SLC25A40: variants seen among roughly 807,000 people sequenced by gnomAD.
The protein encoded by SLC25A40 is mitochondrial glutathione transporter SLC25A40.
A neutral mutation model predicts 46.5 loss-of-function variants in SLC25A40; 41 were observed. The observed-to-expected ratio is 0.88, with a 90% CI of 0.69 to 1.14. The LOEUF (loss-of-function observed/expected upper bound fraction) is 1.14, where lower values mean the gene tolerates loss of function less well. Among genes scored for constraint, SLC25A40 ranks in the 50% most tolerant of loss-of-function variants. SLC25A40 has a pLI of 0.00. For synonymous variants in SLC25A40, 126 were observed against 127.5 expected (o/e 0.99, Z 0.08); for missense variants, 386 against 393.6 (o/e 0.98, Z 0.16).
intron 5 of SLC25A40, among the ~76,000 whole-genome samples, chr7:87,852,158 T>G (rs1018524756): frequency 1.3e-5 from 2 of 152,170 alleles, no homozygotes; most frequent in Non-Finnish European, 2.9e-5. Flanking sequence ...CAAATTAACA[T>G]ACAAGTTGAA....
At chr7:87,869,053 C>T (rs1838851447) in intron 1 of SLC25A40, among the ~76,000 whole-genome samples, 1 of 152,168 alleles carries the variant, frequency 6.6e-6, no homozygotes, top group Middle Eastern at 3.2e-3. Context: ...ATATATTTCA[C>T]AATATCAGAC....
At chr7:87,872,832 G>A (rs978443284) in intron 1 of SLC25A40, among the ~76,000 whole-genome samples, 1 of 152,160 alleles carries the variant, frequency 6.6e-6, no homozygotes, top group Admixed American at 6.5e-5. Context: ...CATGGTGGCA[G>A]GCGCCTGTAA....
At position 87,864,112 on chromosome 7, in the gene SLC25A40, G is replaced by A. The variant is rs150658585; in HGVS notation, c.-93-3472C>T. On this transcript the variant is annotated intron_variant, in intron 1 of 11. Transcript: ENST00000341119. ...GTTTAACTCCAGTGTTTCCTTGTTG[G>A]TTTGTTATTATGTCTGAATGATCTG... is the stretch of plus-strand genomic sequence containing the variant. Among the ~76,000 whole-genome samples the A allele has an allele frequency of 3.9e-3, 590 of 152,256 alleles. 2 individuals carry two copies. The highest frequency in any genetic ancestry group is 0.014 in the African/African-American group (563 of 41,550).
intron 8 of SLC25A40, among the ~76,000 whole-genome samples, chr7:87,846,341 G>A (rs1192976553): frequency 6.6e-6 from 1 of 152,116 alleles, no homozygotes; most frequent in East Asian, 1.9e-4. Context: ...CTCTAGATAA[G>A]TATTTCTTTT....
intron 1 of SLC25A40, among the ~76,000 whole-genome samples, chr7:87,875,852 G>C (rs111815979): frequency 1.3e-5 from 2 of 152,164 alleles, no homozygotes; most frequent in South Asian, 4.1e-4. Flanking sequence ...GACGCCCCCC[G>C]GGGCCGCCCT....
At chr7:87,850,483 A>C (rs1838490838) in intron 5 of SLC25A40, among the ~76,000 whole-genome samples, 2 of 152,228 alleles carry the variant, frequency 1.3e-5, no homozygotes, top group Admixed American at 6.5e-5. Context: ...AAGCACACGA[A>C]AAACTGTTTG....
chr7:87,861,650 T>C (rs1337237857), intron 1 of SLC25A40, among the ~76,000 whole-genome samples: 1 of 152,154 alleles, frequency 6.6e-6, no homozygotes, highest in Non-Finnish European at 1.5e-5. Context: ...TTTGTAACAT[T>C]CATTTAAATG....
At chr7:87,836,503 C>T (rs1838259834) in intron 11 of SLC25A40, 142 bp from the exon 12 acceptor site, 3 of 586,768 alleles carry the variant, frequency 5.1e-6, no homozygotes, top group Non-Finnish European at 8.3e-6. Flanking sequence ...GAAAAGACTG[C>T]TCACTTCCAA....
chr7:87,871,680 T>A (rs1485543082), intron 1 of SLC25A40, among the ~76,000 whole-genome samples: 1 of 152,248 alleles, frequency 6.6e-6, no homozygotes, highest in East Asian at 1.9e-4. Context: ...TGATGTTTTA[T>A]CCTTTGTATA....
At position 87,847,072 on chromosome 7, in the gene SLC25A40, G is replaced by A. The variant is rs559282958; in HGVS notation, c.508C>T (p.Gln170Ter). 7.4e-6 allele frequency: 12 copies of A among 1,613,254 alleles called. No homozygotes were observed. The highest frequency in any genetic ancestry group is 4.5e-5 in the East Asian group (2 of 44,846). ...TCCACGTAAGAAAACTTCTTGGACT[G>A]CATCTTGGTTCTAATCAATTCTAGT... ...SPLELIRTKM[Q>*]SKKFSYVELH... Residue 170 changes from glutamine to a stop codon, truncating the protein, a stop_gained, in exon 8 of 12, where the codon CAG becomes TAG. Coordinates refer to ENST00000341119, the MANE Select transcript of SLC25A40 (RefSeq NM_018843.4). LOFTEE classifies it high-confidence loss of function.
chr7:87,847,788 A>C, intron 7 of SLC25A40, 65 bp downstream of exon 7: 1 of 1,485,504 alleles, frequency 6.7e-7, no homozygotes, highest in Non-Finnish European at 9.1e-7. Context: ...ATTATCTGTG[A>C]ATGTCACAAC....
chr7:87,838,200 A>G (rs1285094790), intron 10 of SLC25A40, among the ~76,000 whole-genome samples: 2 of 151,580 alleles, frequency 1.3e-5, no homozygotes, highest in Non-Finnish European at 3.0e-5. Context: ...TTCTAAGGAA[A>G]GTCAATGACA....
intron 11 of SLC25A40, 129 bp from the exon 12 acceptor site, chr7:87,836,490 G>A (rs1838259623): frequency 1.3e-5 from 8 of 633,328 alleles, no homozygotes; most frequent in Non-Finnish European, 2.0e-5. Flanking sequence ...CCATAAATTG[G>A]TAGAAAAGAC....
chr7:87,864,977 T>G (rs990534011), intron 1 of SLC25A40, among the ~76,000 whole-genome samples: 13 of 143,306 alleles, frequency 9.1e-5, no homozygotes, highest in African/African-American at 3.2e-4. Flanking sequence ...TTTCTTTTCT[T>G]TTCTTTTTTT....
In SLC25A40 at chr7:87,871,851, T is replaced by C. The variant is rs184152819; in HGVS notation, c.-94+4245A>G. Among the ~76,000 whole-genome samples the C allele has an allele frequency of 1.8e-3, 271 of 152,358 alleles. 3 individuals carry two copies. The highest frequency in any genetic ancestry group is 6.1e-3 in the African/African-American group (255 of 41,580). ...TATCCAGACCTGGAGTTTTCTTTAG[T>C]AGATATAAGAATATTTAGGTTATTT... is the stretch of plus-strand genomic sequence containing the variant. On this transcript the variant is annotated intron_variant, in intron 1 of 11. Transcript: ENST00000341119.
intron 8 of SLC25A40, among the ~76,000 whole-genome samples, chr7:87,845,419 A>G (rs995976127): frequency 6.6e-6 from 1 of 152,110 alleles, no homozygotes; most frequent in Non-Finnish European, 1.5e-5. Flanking sequence ...GTAGCAATAT[A>G]TTCTCATAGA....
intron 1 of SLC25A40, among the ~76,000 whole-genome samples, chr7:87,862,654 T>C (rs1838724951): frequency 6.6e-6 from 1 of 152,202 alleles, no homozygotes; most frequent in Admixed American, 6.5e-5. Flanking sequence ...CTTATTATAA[T>C]CTTGATTTAC....
chr7:87,836,936 A>C (rs1019045122), intron 10 of SLC25A40, 126 bp from the exon 11 acceptor site: 24 of 483,962 alleles, frequency 5.0e-5, no homozygotes, highest in Non-Finnish European at 8.1e-5. Context: ...AGGTTTGTTT[A>C]CCTAAAAAGC....
intron 10 of SLC25A40, among the ~76,000 whole-genome samples, chr7:87,840,016 T>C (rs1159594210): frequency 6.6e-6 from 1 of 151,762 alleles, no homozygotes; most frequent in African/African-American, 2.4e-5. Context: ...ATCACTCAAA[T>C]TACAAGTGCA....
Sources: allele counts gnomAD v4.1 joint callset (sites outside exome capture counted in the v4.1 genomes callset), GRCh38; gene constraint gnomAD v4.1.1; transcripts MANE v1.5; gene names NCBI Gene and HGNC (gene_info 2026-07-23, HGNC 2026-07-21).